NUCKS1: variants seen among roughly 807,000 people sequenced by gnomAD.
NUCKS1 encodes the protein nuclear ubiquitous casein and cyclin-dependent kinase substrate 1.
A neutral mutation model predicts 33.0 loss-of-function variants in NUCKS1; 2 were observed. The ratio of observed to expected loss-of-function variants is 0.06; its 90% confidence interval spans 0.02 to 0.19. The LOEUF (loss-of-function observed/expected upper bound fraction) is 0.19. NUCKS1 is among the 10% of genes least tolerant of loss of function. The pLI is 1.00. For synonymous variants in NUCKS1, 106 were observed against 102.8 expected (o/e 1.03, Z -0.19); for missense variants, 201 against 293.6 (o/e 0.68, Z 2.31).
chr1:205,719,772 T>C (rs146888097), intron 5 of NUCKS1, 96 bp from the exon 6 acceptor site: 39 of 1,358,482 alleles, frequency 2.9e-5, no homozygotes, highest in Non-Finnish European at 3.7e-5. Context: ...AGGATGGGAT[T>C]TGGGAGTCAA....
chr1:205,722,892 A>G (rs1276501635), intron 4 of NUCKS1, among the ~76,000 whole-genome samples: 1 of 152,208 alleles, frequency 6.6e-6, no homozygotes. Context: ...AATCTCATCT[A>G]GAGACAAACA....
rs1671824859 is a variant in NUCKS1 at position 205,716,506 on chromosome 1, T to C, written c.*1774A>G. Reference sequence around the variant, plus strand: ...ATGAAAGAGAATGATCCAACTGCTATTTATGTTCAAGTCCTGTATTTTTGG... The same window carrying C: ...ATGAAAGAGAATGATCCAACTGCTACTTATGTTCAAGTCCTGTATTTTTGG... On this transcript the variant is annotated 3_prime_UTR_variant, in exon 7 of 7. Transcript: ENST00000367142. 6.6e-6 allele frequency: 1 copy of C among 152,222 alleles called. No homozygotes were observed. The highest frequency in any genetic ancestry group is 2.1e-4 in the South Asian group (1 of 4,832). The allele number at this position is 152,222 out of a possible 1,614,324, so 9.4% of individuals were successfully genotyped here.
rs911566068 is a variant in NUCKS1, at chr1:205,749,822, G to A, written c.17+135C>T. On this transcript the variant is annotated intron_variant, in intron 1 of 6. Coordinates refer to ENST00000367142, the MANE Select transcript of NUCKS1 (RefSeq NM_022731.5). ...AGCAGGGCCCCCCACGCTCAAGGGTGCGCGCGGGCCCCGAAAGGGAGGAGG... is the reference window on the plus strand; with the variant it reads ...AGCAGGGCCCCCCACGCTCAAGGGTACGCGCGGGCCCCGAAAGGGAGGAGG... 25 of 931,458 alleles carry A rather than the reference G, an allele frequency of 2.7e-5. No homozygotes were observed. In the South Asian group the frequency reaches 3.6e-4, roughly 13 times the overall value. The allele number at this position is 931,458 out of a possible 1,614,324, so 57.7% of individuals were successfully genotyped here.
At chr1:205,735,678 CAGG>C (rs1166063138) in intron 1 of NUCKS1, among the ~76,000 whole-genome samples, 3 of 152,170 alleles carry the variant, frequency 2.0e-5, no homozygotes, top group African/African-American at 7.2e-5. Context: ...ATACCTGTTA[CAGG>C]AATAACAAGA....
At position 205,750,015 on chromosome 1, in the gene NUCKS1, A is replaced by AGGG; in HGVS notation, c.-43_-42insCCC. The AGGG allele has an allele frequency of 6.6e-7, 1 of 1,506,274 alleles. No individual in the cohort carries two copies. Among genetic ancestry groups the AGGG allele is most frequent in the Non-Finnish European group, 9.0e-7 (1 of 1,114,424 alleles). 93.3% of individuals were successfully genotyped at this position (1,506,274 alleles called of 1,614,324 possible). A position where few individuals can be genotyped will look rare whatever the true frequency, so the allele number is the denominator to read the frequency against. The stretch of plus-strand genomic sequence containing the variant: ...GGACCGAGTCGAGAAGCCAAAGACC[A>AGGG]GGACCCCCCCCACCCCGCGCGCTCG... On this transcript the variant is annotated 5_prime_UTR_variant, in exon 1 of 7. Transcript: ENST00000367142.
chr1:205,738,864 C>A (rs1406003889), intron 1 of NUCKS1, among the ~76,000 whole-genome samples: 1 of 152,172 alleles, frequency 6.6e-6, no homozygotes. Context: ...GAGTCGAGAT[C>A]ACCACACTGC....
chr1:205,732,337 C>CA (rs932386088), intron 1 of NUCKS1, among the ~76,000 whole-genome samples: 1 of 152,024 alleles, frequency 6.6e-6, no homozygotes, highest in Non-Finnish European at 1.5e-5. Flanking sequence ...TAGATGAATT[C>CA]AGAGAGACAG....
At position 205,750,049 on chromosome 1, in the gene NUCKS1, C is replaced by A; in HGVS notation, c.-76G>T. 1.9e-6 allele frequency: 2 copies of A among 1,081,078 alleles called. No homozygotes were observed. Among genetic ancestry groups the A allele is most frequent in the Non-Finnish European group, 2.5e-6 (2 of 805,784 alleles). The allele number at this position is 1,081,078 out of a possible 1,614,324, so 67.0% of individuals were successfully genotyped here. On this transcript the variant is annotated 5_prime_UTR_variant, in exon 1 of 7. Transcript: ENST00000367142. ...CCCACCCCGCGCGCTCGGCGCCCCACCCCCCCCGAACTTCAGCCGATGGGA... is the reference window on the plus strand; with the variant it reads ...CCCACCCCGCGCGCTCGGCGCCCCAACCCCCCCGAACTTCAGCCGATGGGA...
chr1:205,735,753 A>G (rs1048740395), intron 1 of NUCKS1, among the ~76,000 whole-genome samples: 1 of 152,246 alleles, frequency 6.6e-6, no homozygotes, highest in Non-Finnish European at 1.5e-5. Context: ...AGCTATTATT[A>G]CTTATAAGTA....
chr1:205,727,810 A>G lies in NUCKS1; in HGVS notation c.68-5T>C. On this transcript the variant is annotated splice_region_variant and splice_polypyrimidine_tract_variant and intron_variant, in intron 2 of 6. Transcript: ENST00000367142. ...AATCTCTTCCATAATCTTCATCTAA[A>G]CAGTGTTTTTCAAACTTAATTAACT... 4 of 1,588,286 alleles carry G rather than the reference A, an allele frequency of 2.5e-6. No homozygotes were observed. The highest frequency in any genetic ancestry group is 3.5e-6 in the Non-Finnish European group (4 of 1,159,172).
chr1:205,718,218 C>A lies in NUCKS1; in HGVS notation c.*62G>T. The A allele has an allele frequency of 6.7e-7, 1 of 1,502,480 alleles. No homozygotes were observed. The allele number at this position is 1,502,480 out of a possible 1,614,324, so 93.1% of individuals were successfully genotyped here. On this transcript the variant is annotated 3_prime_UTR_variant, in exon 7 of 7. Coordinates refer to ENST00000367142, the MANE Select transcript of NUCKS1 (RefSeq NM_022731.5). Reference sequence around the variant, plus strand: ...TTAAGTAGGTTCTTTTTTTTCCTCCCTCTTTTTTCTTTTTTTTTCTTTTTT... The same window carrying A: ...TTAAGTAGGTTCTTTTTTTTCCTCCATCTTTTTTCTTTTTTTTTCTTTTTT...
At chr1:205,749,920 CCTCCAACCCG>C (rs1654449442) in intron 1 of NUCKS1, 27 bp downstream of exon 1, 7 of 1,602,104 alleles carry the variant, frequency 4.4e-6, no homozygotes, top group South Asian at 1.1e-5. Context: ...CCCCCATCCC[CCTCCAACCCG>C]CTCCAGGCCT....
chr1:205,733,382 T>A lies in NUCKS1; in HGVS notation c.18-3761A>T, dbSNP rs1653961767. Among the ~76,000 whole-genome samples, 3 of 152,198 alleles carry A rather than the reference T, an allele frequency of 2.0e-5. No individual in the cohort carries two copies. In the South Asian group the frequency reaches 6.2e-4, roughly 31 times the overall value. On this transcript the variant is annotated intron_variant, in intron 1 of 6. Coordinates refer to ENST00000367142, the MANE Select transcript of NUCKS1 (RefSeq NM_022731.5). ...TTTAGCAATCACATTAAGTGTAGGT[T>A]CAACATAAAGAGCTTTAACTGTCTG... is the stretch of plus-strand genomic sequence containing the variant.
At chr1:205,746,449 T>A (rs61824677) in intron 1 of NUCKS1, among the ~76,000 whole-genome samples, 59,857 of 106,952 alleles carry the variant, frequency 0.56, 13,273 homozygotes, top group Non-Finnish European at 0.64. Flanking sequence ...TCTCTCTCTC[T>A]CTCTCACACA....
chr1:205,739,789 C>T (rs1248235302), intron 1 of NUCKS1, among the ~76,000 whole-genome samples: 1 of 151,936 alleles, frequency 6.6e-6, no homozygotes, highest in African/African-American at 2.4e-5. Flanking sequence ...TGAGGTCTCC[C>T]TATTGCTCAG....
At chr1:205,734,187 G>A (rs1208061380) in intron 1 of NUCKS1, among the ~76,000 whole-genome samples, 1 of 151,840 alleles carries the variant, frequency 6.6e-6, no homozygotes, top group Non-Finnish European at 1.5e-5. Context: ...CCTGTAACTT[G>A]TTACTTTAAA....
Position 205,723,981 on chromosome 1 carries a change from A to C in NUCKS1, c.174T>G (p.Ser58Arg). ...RRSGKNSQED[S>R]EDSEDKDVKT... Reference sequence around the variant, plus strand: ...TCACATCTTTGTCTTCTGAGTCCTCACTATAAAGGGAGGCAAAAAAGCAAA... The same window carrying C: ...TCACATCTTTGTCTTCTGAGTCCTCCCTATAAAGGGAGGCAAAAAAGCAAA... Residue 58 changes from serine (S) to arginine (R), a missense_variant and splice_region_variant, in exon 4 of 7, where the codon AGT (serine) becomes AGG (arginine). Coordinates refer to ENST00000367142, the MANE Select transcript of NUCKS1 (RefSeq NM_022731.5). The C allele has an allele frequency of 6.2e-7, 1 of 1,610,780 alleles. No homozygotes were observed. Among genetic ancestry groups the C allele is most frequent in the Non-Finnish European group, 8.5e-7 (1 of 1,177,148 alleles).
chr1:205,737,050 T>C (rs934514890), intron 1 of NUCKS1, among the ~76,000 whole-genome samples: 6 of 152,112 alleles, frequency 3.9e-5, no homozygotes, highest in Non-Finnish European at 8.8e-5. Context: ...TTCCTCATAT[T>C]TCAAGTACTC....
In NUCKS1 at chr1:205,750,014, C is replaced by CCGGGGGGGGGGGGGGG; in HGVS notation, c.-42_-41insCCCCCCCCCCCCCCCG. On this transcript the variant is annotated 5_prime_UTR_variant, in exon 1 of 7. Transcript: ENST00000367142. ...AGGACCGAGTCGAGAAGCCAAAGAC[C>CCGGGGGGGGGGGGGGG]AGGACCCCCCCCACCCCGCGCGCTC... is the stretch of plus-strand genomic sequence containing the variant. 3.2e-6 allele frequency: 5 copies of CCGGGGGGGGGGGGGGG among 1,568,866 alleles called. No homozygotes were observed. The highest frequency in any genetic ancestry group is 3.5e-6 in the Non-Finnish European group (4 of 1,154,146).
Sources: gnomAD v4.1 joint callset for allele counts (sites outside exome capture counted in the v4.1 genomes callset) on GRCh38, gnomAD v4.1.1 for gene constraint, MANE v1.5 for transcripts, NCBI Gene and HGNC (gene_info 2026-07-23, HGNC 2026-07-21) for gene names.